The following TMC1 variants were observed in gnomAD, a reference collection of about 807,000 sequenced individuals.
TMC1 encodes transmembrane channel-like protein 1.
In TMC1, 84 loss-of-function variants were observed where a neutral mutation model predicts 105.8. The ratio of observed to expected loss-of-function variants is 0.79; its 90% CI spans 0.67 to 0.95. The LOEUF (loss-of-function observed/expected upper bound fraction) is 0.95, where lower values mean the gene tolerates loss of function less well. Ranked by LOEUF, TMC1 falls within the 40% of genes least tolerant of loss-of-function variation. The probability of loss-of-function intolerance (pLI) is 0.00; values close to 1 mark genes in which losing one functional copy is unlikely to be tolerated. For synonymous variants in TMC1, 315 were observed against 311.5 expected (o/e 1.01, Z -0.12); for missense variants, 817 against 914.1 (o/e 0.89, Z 1.37).
At chr9:72,674,438 C>G (rs935295553) in intron 5 of TMC1, among the ~76,000 whole-genome samples, 1 of 152,110 alleles carries the variant, frequency 6.6e-6, no homozygotes, top group Non-Finnish European at 1.5e-5. Flanking sequence ...TAAAGATAGA[C>G]AAAGAAAGAC....
intron 8 of TMC1, among the ~76,000 whole-genome samples, chr9:72,724,563 T>C (rs1447478192): frequency 6.6e-6 from 1 of 152,086 alleles, no homozygotes; most frequent in Admixed American, 6.5e-5. Flanking sequence ...AGGGATTTTT[T>C]TTAGTAGCAC....
At chr9:72,708,392 C>T (rs1464919325) in intron 8 of TMC1, among the ~76,000 whole-genome samples, 3 of 152,138 alleles carry the variant, frequency 2.0e-5, no homozygotes, top group Non-Finnish European at 2.9e-5. Context: ...TACCCAACCA[C>T]ATTAGCATGG....
At chr9:72,635,057 G>T (rs2310154) in intron 4 of TMC1, among the ~76,000 whole-genome samples, 36,831 of 152,026 alleles carry the variant, frequency 0.24, 4,799 homozygotes, top group East Asian at 0.38. Flanking sequence ...AGCAGTTTAA[G>T]ACCAGCCTGG....
chr9:72,682,713 A>G (rs1313601744), intron 5 of TMC1, among the ~76,000 whole-genome samples: 2 of 152,220 alleles, frequency 1.3e-5, no homozygotes, highest in African/African-American at 4.8e-5. Context: ...CAATAGTGTT[A>G]TCATAAATTC....
chr9:72,691,022 T>C (rs1344578012), intron 6 of TMC1, among the ~76,000 whole-genome samples: 1 of 152,142 alleles, frequency 6.6e-6, no homozygotes, highest in Non-Finnish European at 1.5e-5. Context: ...TTTATGGTTT[T>C]GCTCTTCTAA....
intron 18 of TMC1, chr9:72,809,108 C>G (rs1197654313): frequency 6.6e-6 from 1 of 152,196 alleles, no homozygotes; most frequent in African/African-American, 2.4e-5. Flanking sequence ...TGATTCAGCT[C>G]CTCTGAGGCA....
intron 8 of TMC1, among the ~76,000 whole-genome samples, chr9:72,708,868 A>G (rs1663755): frequency 0.23 from 34,682 of 152,042 alleles, 4,288 homozygotes; most frequent in East Asian, 0.39. Flanking sequence ...TTCCCTGTTC[A>G]GTATTATGTT....
intron 1 of TMC1, among the ~76,000 whole-genome samples, chr9:72,549,832 T>C (rs1823831472): frequency 6.6e-6 from 1 of 151,848 alleles, no homozygotes; most frequent in Non-Finnish European, 1.5e-5. Context: ...CAGGTTGGTC[T>C]CGAACTCCTG....
intron 21 of TMC1, 140 bp downstream of exon 21, chr9:72,827,134 G>A: frequency 1.8e-6 from 2 of 1,131,656 alleles, no homozygotes; most frequent in Non-Finnish European, 1.3e-6. Flanking sequence ...TTACATGGTG[G>A]TGAGAGGCTA....
chr9:72,688,211 A>T (rs939202816), intron 5 of TMC1, among the ~76,000 whole-genome samples: 1 of 152,122 alleles, frequency 6.6e-6, no homozygotes, highest in Non-Finnish European at 1.5e-5. Context: ...AATAGAAAAG[A>T]TCTGGCTTTA....
At chr9:72,730,139 A>G (rs571148240) in intron 8 of TMC1, among the ~76,000 whole-genome samples, 2 of 152,278 alleles carry the variant, frequency 1.3e-5, no homozygotes, top group South Asian at 4.2e-4. Flanking sequence ...CCCTTGACCT[A>G]CTGTTGACCA....
intron 11 of TMC1, among the ~76,000 whole-genome samples, chr9:72,753,016 C>T (rs1424273854): frequency 6.6e-6 from 1 of 152,158 alleles, no homozygotes; most frequent in Non-Finnish European, 1.5e-5. Context: ...TCACATAATG[C>T]TGATGTGACT....
intron 2 of TMC1, among the ~76,000 whole-genome samples, chr9:72,606,955 G>A (rs1166953287): frequency 7.1e-6 from 1 of 141,670 alleles, no homozygotes; most frequent in Non-Finnish European, 1.5e-5. Context: ...ATATATGTAT[G>A]TATGTATGTA....
Position 72,789,321 on chromosome 9 carries a change from C to A in TMC1, c.1224+4C>A. ...TGGGTGGTGGGAAAAAAATGAAGTT[C>A]GTCTCTGCATGCTTTTTATGTGCTT... On this transcript the variant is annotated splice_donor_region_variant and intron_variant, in intron 15 of 23. Coordinates refer to ENST00000297784, the MANE Select transcript of TMC1 (RefSeq NM_138691.3). 6.2e-7 allele frequency: 1 copy of A among 1,613,216 alleles called. No homozygotes were observed. Among genetic ancestry groups the A allele is most frequent in the South Asian group, 1.1e-5 (1 of 91,010 alleles).
chr9:72,757,443 C>G (rs1025232186), intron 12 of TMC1, among the ~76,000 whole-genome samples: 1 of 152,172 alleles, frequency 6.6e-6, no homozygotes, highest in Admixed American at 6.5e-5. Context: ...ATGTAGCACA[C>G]AGTACAGGCT....
At chr9:72,799,547 CTATTT>C (rs745917675) in intron 17 of TMC1, among the ~76,000 whole-genome samples, 42 of 152,146 alleles carry the variant, frequency 2.8e-4, no homozygotes, top group South Asian at 1.2e-3. Context: ...ATTGAAAATT[CTATTT>C]TATTTTATTT....
At chr9:72,734,161 A>G (rs1306167095) in intron 8 of TMC1, among the ~76,000 whole-genome samples, 1 of 152,200 alleles carries the variant, frequency 6.6e-6, no homozygotes, top group Non-Finnish European at 1.5e-5. Context: ...ACAGCACACA[A>G]TTTAAAACTT....
intron 5 of TMC1, among the ~76,000 whole-genome samples, chr9:72,681,206 G>A (rs899177656): frequency 2.6e-5 from 4 of 152,036 alleles, no homozygotes; most frequent in African/African-American, 9.7e-5. Context: ...CCTTTATGGT[G>A]GTAATTGCAA....
intron 2 of TMC1, among the ~76,000 whole-genome samples, chr9:72,582,379 T>C (rs6560295): frequency 0.58 from 87,665 of 152,142 alleles, 26,882 homozygotes; most frequent in African/African-American, 0.8. Context: ...CTTAGCTCCC[T>C]ACCTTCCCCC....
Sources: gnomAD v4.1 joint callset for allele counts (sites outside exome capture counted in the v4.1 genomes callset) on GRCh38, gnomAD v4.1.1 for gene constraint, MANE v1.5 for transcripts, NCBI Gene and HGNC (gene_info 2026-07-23, HGNC 2026-07-21) for gene names.